ADGRB3: variants seen among roughly 807,000 people sequenced by gnomAD.
ADGRB3 encodes adhesion G protein-coupled receptor B3.
A neutral mutation model predicts 193.4 loss-of-function variants in ADGRB3; 37 were observed. That is an observed-to-expected ratio of 0.19 (90% CI 0.15 to 0.25). The LOEUF is 0.25. ADGRB3 is among the 10% of genes least tolerant of loss of function. The probability of loss-of-function intolerance (pLI) is 1.00; values close to 1 mark genes in which losing one functional copy is unlikely to be tolerated. For synonymous variants in ADGRB3, 690 were observed against 644.2 expected (o/e 1.07, Z -1.08); for missense variants, 1,637 against 1,852.9 (o/e 0.88, Z 2.14).
intron 6 of ADGRB3, among the ~76,000 whole-genome samples, chr6:68,955,433 T>C (rs1040320401): frequency 1.3e-5 from 2 of 152,232 alleles, no homozygotes; most frequent in African/African-American, 4.8e-5. Flanking sequence ...CCCCATCTCC[T>C]AGCACAATGT....
intron 20 of ADGRB3, among the ~76,000 whole-genome samples, chr6:69,303,338 C>A (rs768134872): frequency 1.3e-5 from 2 of 151,802 alleles, no homozygotes; most frequent in South Asian, 4.2e-4. Flanking sequence ...AAAGTTACAC[C>A]GAGTGTGCCT....
intron 3 of ADGRB3, among the ~76,000 whole-genome samples, chr6:68,924,111 A>G (rs1767116989): frequency 6.6e-6 from 1 of 152,088 alleles, no homozygotes; most frequent in African/African-American, 2.4e-5. Flanking sequence ...CTCATCACCA[A>G]CAAATAAAAC....
chr6:68,810,787 G>A (rs1767495418), intron 3 of ADGRB3, among the ~76,000 whole-genome samples: 1 of 151,968 alleles, frequency 6.6e-6, no homozygotes, highest in South Asian at 2.1e-4. Flanking sequence ...GGGGTAGAAA[G>A]AAAATTATTA....
intron 31 of ADGRB3, among the ~76,000 whole-genome samples, chr6:69,385,161 C>T (rs1286853093): frequency 6.6e-6 from 1 of 151,708 alleles, no homozygotes; most frequent in Non-Finnish European, 1.5e-5. Context: ...AACTATTTTA[C>T]TCTGTGTGTG....
At chr6:69,166,045 G>C (rs530137950) in intron 17 of ADGRB3, among the ~76,000 whole-genome samples, 114 of 152,070 alleles carry the variant, frequency 7.5e-4, no homozygotes, top group Middle Eastern at 3.4e-3. Context: ...TACTCTTACC[G>C]TTGTACTCAG....
rs1241403815 is a variant in ADGRB3, at chr6:69,360,906, A to C, written c.3633A>C (p.Thr1211=). The C allele has an allele frequency of 1.9e-6, 3 of 1,611,436 alleles. No homozygotes were observed. The highest frequency in any genetic ancestry group is 2.5e-6 in the Non-Finnish European group (3 of 1,178,526). The change falls in exon 29 of 32, where the codon ACA becomes ACC. Residue 1211 remains threonine, a synonymous_variant. Coordinates refer to ENST00000370598, the MANE Select transcript of ADGRB3 (RefSeq NM_001704.3). ...ATATTGGTCCTTGCCGAGCAGCCAC[A>C]ATAACAGGAACACTTTCTAGGATTT... ...HKDIGPCRAA[T]ITGTLSRISL...
intron 3 of ADGRB3, among the ~76,000 whole-genome samples, chr6:68,904,415 T>C (rs1273661715): frequency 2.0e-5 from 3 of 152,214 alleles, no homozygotes; most frequent in Non-Finnish European, 2.9e-5. Flanking sequence ...TTATGTTGCA[T>C]ATGACTGTAT....
At chr6:68,809,786 G>A (rs1302455187) in intron 3 of ADGRB3, among the ~76,000 whole-genome samples, 1 of 152,058 alleles carries the variant, frequency 6.6e-6, no homozygotes, top group East Asian at 1.9e-4. Flanking sequence ...TTAATTTGTG[G>A]TAAAAACATA....
At chr6:68,858,788 T>C (rs986005188) in intron 3 of ADGRB3, among the ~76,000 whole-genome samples, 3 of 152,080 alleles carry the variant, frequency 2.0e-5, no homozygotes, top group African/African-American at 7.2e-5. Context: ...GGGCATCAAG[T>C]CCCTAGACTG....
chr6:68,851,275 C>T (rs1441153986), intron 3 of ADGRB3, among the ~76,000 whole-genome samples: 1 of 151,832 alleles, frequency 6.6e-6, no homozygotes, highest in African/African-American at 2.4e-5. Flanking sequence ...TTCTCTGCCT[C>T]TCTAGCTGTC....
intron 20 of ADGRB3, among the ~76,000 whole-genome samples, chr6:69,255,926 T>G (rs868315830): frequency 4.0e-3 from 616 of 152,134 alleles, no homozygotes; most frequent in African/African-American, 0.014. Context: ...CATATGGCTA[T>G]CCAGTTTTCC....
intron 20 of ADGRB3, among the ~76,000 whole-genome samples, chr6:69,245,767 T>A (rs1273716522): frequency 6.6e-6 from 1 of 152,116 alleles, no homozygotes; most frequent in Admixed American, 6.6e-5. Context: ...GTTCCAGGAT[T>A]TCCAGTGCAT....
intron 3 of ADGRB3, among the ~76,000 whole-genome samples, chr6:68,905,928 G>T (rs1041571387): frequency 6.6e-6 from 1 of 151,858 alleles, no homozygotes; most frequent in African/African-American, 2.4e-5. Context: ...ATTCTAGAGA[G>T]AATGTCCTGA....
At chr6:69,297,368 T>TCTCTCTCTCTC (rs1767846054) in intron 20 of ADGRB3, among the ~76,000 whole-genome samples, 13 of 97,610 alleles carry the variant, frequency 1.3e-4, no homozygotes, top group African/African-American at 2.4e-4. Flanking sequence ...CTCTCTCTCT[T>TCTCTCTCTCTC]TCTCTCTCTC....
intron 20 of ADGRB3, among the ~76,000 whole-genome samples, chr6:69,271,072 G>T (rs954911389): frequency 6.6e-6 from 1 of 152,064 alleles, no homozygotes; most frequent in African/African-American, 2.4e-5. Flanking sequence ...TGTCATTAGT[G>T]GAAAAACTCT....
chr6:68,780,990 T>C (rs988435184), intron 3 of ADGRB3, among the ~76,000 whole-genome samples: 5 of 152,174 alleles, frequency 3.3e-5, no homozygotes, highest in African/African-American at 1.2e-4. Flanking sequence ...GAACTAAAAA[T>C]ATTACTTGAA....
intron 23 of ADGRB3, chr6:69,332,563 G>A (rs1768753175): frequency 1.0e-6 from 1 of 985,364 alleles, no homozygotes; most frequent in Non-Finnish European, 1.2e-6. Context: ...CTGGCTCATG[G>A]GCATAGGGTA....
chr6:69,251,207 T>C (rs1446763407), intron 20 of ADGRB3, among the ~76,000 whole-genome samples: 1 of 152,204 alleles, frequency 6.6e-6, no homozygotes, highest in African/African-American at 2.4e-5. Flanking sequence ...ATTCCTCCCT[T>C]ATTAGTCTTC....
intron 11 of ADGRB3, among the ~76,000 whole-genome samples, chr6:69,009,794 C>G (rs1769879369): frequency 6.6e-6 from 1 of 152,094 alleles, no homozygotes; most frequent in Non-Finnish European, 1.5e-5. Context: ...GATGTCCAAC[C>G]ACTTTGCTAC....
Sources: allele counts gnomAD v4.1 joint callset (sites outside exome capture counted in the v4.1 genomes callset), GRCh38; gene constraint gnomAD v4.1.1; transcripts MANE v1.5; gene names NCBI Gene and HGNC (gene_info 2026-07-23, HGNC 2026-07-21).